HDAC9: variants seen among roughly 807,000 people sequenced by gnomAD.
HDAC9 encodes MEF-2 interacting transcription repressor (MITR) protein.
HDAC9 carries 41 observed loss-of-function variants against 139.4 expected under a neutral mutation model. The ratio of observed to expected loss-of-function variants is 0.29; its 90% CI spans 0.23 to 0.38. HDAC9 has a LOEUF of 0.38. HDAC9 is among the 10% of genes least tolerant of loss of function. The pLI, the probability that HDAC9 is intolerant of heterozygous loss-of-function variation, is 1.00. For synonymous variants in HDAC9, 517 were observed against 476.2 expected (o/e 1.09, Z -1.12); for missense variants, 1,147 against 1,297.0 (o/e 0.88, Z 1.78).
intron 1 of HDAC9, among the ~76,000 whole-genome samples, chr7:18,421,972 C>A (rs1468561193): frequency 6.6e-6 from 1 of 152,148 alleles, no homozygotes; most frequent in Non-Finnish European, 1.5e-5. Flanking sequence ...CTGTGACTGC[C>A]ATTGTGTGTC....
chr7:18,805,324 C>T (rs529197565), intron 17 of HDAC9, among the ~76,000 whole-genome samples: 26 of 152,204 alleles, frequency 1.7e-4, no homozygotes, highest in Non-Finnish European at 2.4e-4. Context: ...TGGGGTAGGA[C>T]GTTCACTAGA....
chr7:18,607,725 G>A (rs1835914788), intron 6 of HDAC9, among the ~76,000 whole-genome samples: 1 of 152,066 alleles, frequency 6.6e-6, no homozygotes, highest in African/African-American at 2.4e-5. Context: ...TTTCAGTTAA[G>A]TGCAAATGGA....
intron 13 of HDAC9, among the ~76,000 whole-genome samples, chr7:18,747,732 T>C (rs980021467): frequency 1.3e-5 from 2 of 152,268 alleles, no homozygotes; most frequent in Non-Finnish European, 2.9e-5. Context: ...TAAGAATAGA[T>C]ATTATTTGGA....
chr7:18,490,239 G>A (rs756940548), intron 1 of HDAC9, among the ~76,000 whole-genome samples: 1 of 151,994 alleles, frequency 6.6e-6, no homozygotes, highest in Non-Finnish European at 1.5e-5. Context: ...TTAAAATACA[G>A]ATTCCTTCCA....
chr7:18,533,671 A>G (rs1586754234), intron 2 of HDAC9, among the ~76,000 whole-genome samples: 1 of 152,016 alleles, frequency 6.6e-6, no homozygotes, highest in Non-Finnish European at 1.5e-5. Context: ...CGGTTATTCT[A>G]TGGCCTCTTT....
chr7:18,721,216 A>T (rs1785118820), intron 12 of HDAC9, among the ~76,000 whole-genome samples: 1 of 152,188 alleles, frequency 6.6e-6, no homozygotes, highest in African/African-American at 2.4e-5. Flanking sequence ...ATCCAGCTTA[A>T]GAAATAAAAC....
At chr7:18,154,198 G>C (rs1448369899) in intron 1 of HDAC9, among the ~76,000 whole-genome samples, 2 of 151,814 alleles carry the variant, frequency 1.3e-5, no homozygotes, top group Non-Finnish European at 2.9e-5. Flanking sequence ...ACATCCAAGT[G>C]ATTTTTTTAT....
chr7:18,197,281 G>C (rs1178324), intron 2 of HDAC9, among the ~76,000 whole-genome samples: 2 of 151,996 alleles, frequency 1.3e-5, no homozygotes, highest in Non-Finnish European at 2.9e-5. Context: ...ACTAATACGC[G>C]TAGTATATGG....
chr7:18,721,982 C>CATTG (rs1302155572), intron 12 of HDAC9, among the ~76,000 whole-genome samples: 1 of 152,136 alleles, frequency 6.6e-6, no homozygotes, highest in Non-Finnish European at 1.5e-5. Flanking sequence ...GCCACAAAGG[C>CATTG]ATTGATGTTT....
At chr7:18,333,964 CTG>C (rs1001667915) in intron 1 of HDAC9, among the ~76,000 whole-genome samples, 3 of 151,144 alleles carry the variant, frequency 2.0e-5, no homozygotes, top group African/African-American at 4.8e-5. Context: ...AGCTAACACA[CTG>C]TGAAACTTGG....
rs541911100 is a variant in HDAC9 at position 18,968,775 on chromosome 7, G to C, written c.3023-7031G>C. On this transcript the variant is annotated intron_variant, in intron 24 of 25. Coordinates refer to ENST00000686413, the MANE Select transcript of HDAC9 (RefSeq NM_178425.4). The stretch of plus-strand genomic sequence containing the variant: ...GAGATCGAGACCATCCTGGCTAACA[G>C]GGTGAAACCCCGTCTCTACTAAACA... 7.8e-4 allele frequency among the ~76,000 whole-genome samples: 119 copies of C among 151,846 alleles called. 6 individuals are homozygous for C. The South Asian group carries it at 0.023, about 29-fold the overall frequency.
At chr7:18,927,438 A>C (rs1294313912) in intron 22 of HDAC9, among the ~76,000 whole-genome samples, 8 of 152,138 alleles carry the variant, frequency 5.3e-5, no homozygotes, top group Admixed American at 5.2e-4. Flanking sequence ...CATTTTCCTA[A>C]AGAATAACAT....
chr7:18,657,757 C>G (rs1791689851), intron 11 of HDAC9, among the ~76,000 whole-genome samples: 1 of 152,122 alleles, frequency 6.6e-6, no homozygotes, highest in African/African-American at 2.4e-5. Flanking sequence ...CCATAGCAGC[C>G]AGAATGATCA....
At chr7:18,459,717 A>G (rs1793666721) in intron 1 of HDAC9, among the ~76,000 whole-genome samples, 1 of 152,140 alleles carries the variant, frequency 6.6e-6, no homozygotes, top group Non-Finnish European at 1.5e-5. Context: ...TTCTCTAAGG[A>G]TAGTGTGTCC....
At chr7:18,263,183 GC>G (rs1795787997) in intron 2 of HDAC9, among the ~76,000 whole-genome samples, 1 of 151,946 alleles carries the variant, frequency 6.6e-6, no homozygotes, top group Non-Finnish European at 1.5e-5. Flanking sequence ...GATATGCCAT[GC>G]AAACAGTGAC....
Position 18,829,433 on chromosome 7 carries a change from T to G in HDAC9, c.2379-28T>G, listed in dbSNP as rs368720855. 6 of 1,514,670 alleles carry G rather than the reference T, an allele frequency of 4.0e-6. No individual in the cohort carries two copies. The African/African-American group carries it at 4.2e-5, about 10-fold the overall frequency. The allele number at this position is 1,514,670 out of a possible 1,614,324, so 93.8% of individuals were successfully genotyped here. A position where few individuals can be genotyped will look rare whatever the true frequency, so the allele number is the denominator to read the frequency against. The stretch of plus-strand genomic sequence containing the variant: ...GGTTTTCCTGGATGATTTGCTTTCT[T>G]ATTTCTCTGTTCTTCTCTATTCCGC... On this transcript the variant is annotated intron_variant, in intron 18 of 25. Coordinates refer to ENST00000686413, the MANE Select transcript of HDAC9 (RefSeq NM_178425.4).
At chr7:18,944,080 A>G (rs926416105) in intron 23 of HDAC9, among the ~76,000 whole-genome samples, 4 of 152,216 alleles carry the variant, frequency 2.6e-5, no homozygotes, top group African/African-American at 9.6e-5. Flanking sequence ...TACTTACACA[A>G]TCAAATTAAA....
intron 2 of HDAC9, among the ~76,000 whole-genome samples, chr7:18,257,318 C>T (rs192262350): frequency 2.0e-4 from 30 of 149,172 alleles, no homozygotes; most frequent in Non-Finnish European, 3.7e-4. Context: ...GCTGTGATTG[C>T]GCTACTGCAC....
At chr7:18,262,626 T>A (rs1795753146) in intron 2 of HDAC9, among the ~76,000 whole-genome samples, 2 of 152,216 alleles carry the variant, frequency 1.3e-5, no homozygotes, top group Admixed American at 1.3e-4. Context: ...TTTTCTTCTG[T>A]CTGATTTAAA....
Sources: allele counts gnomAD v4.1 joint callset (sites outside exome capture counted in the v4.1 genomes callset), GRCh38; gene constraint gnomAD v4.1.1; transcripts MANE v1.5; gene names NCBI Gene and HGNC (gene_info 2026-07-23, HGNC 2026-07-21).